The following SHISA6 variants were observed in gnomAD, a reference collection of about 807,000 sequenced individuals.
The protein encoded by SHISA6 is protein shisa-6.
In SHISA6, 22 loss-of-function variants were observed where a neutral mutation model predicts 47.9. That is an observed-to-expected ratio of 0.46 (90% CI 0.33 to 0.66). The LOEUF (loss-of-function observed/expected upper bound fraction) is 0.66. SHISA6 is among the 30% of genes least tolerant of loss of function. The pLI is 0.02. For missense variants in SHISA6, 680 were observed against 764.6 expected, an observed-to-expected ratio of 0.89 and a Z score of 1.30; for synonymous variants, 388 against 337.8, an observed-to-expected ratio of 1.15 and a Z score of -1.63.
At chr17:11,277,318 A>ACACACACAC (rs1389004430) in intron 2 of SHISA6, among the ~76,000 whole-genome samples, 2 of 128,086 alleles carry the variant, frequency 1.6e-5, no homozygotes, top group East Asian at 4.6e-4. Flanking sequence ...ACACACACAC[A>ACACACACAC]CCCCGCATGT....
chr17:11,491,056 C>T (rs569324104), intron 3 of SHISA6, among the ~76,000 whole-genome samples: 16 of 152,256 alleles, frequency 1.1e-4, no homozygotes, highest in African/African-American at 3.8e-4. Flanking sequence ...CCTTTGGAGC[C>T]CCTTCAGCCC....
intron 2 of SHISA6, among the ~76,000 whole-genome samples, chr17:11,360,803 A>AG (rs1056776518): frequency 4.6e-5 from 7 of 151,574 alleles, no homozygotes; most frequent in African/African-American, 1.7e-4. Context: ...AAAATTAAAA[A>AG]AAAAAAAAAA....
At chr17:11,415,783 GGTTA>G (rs1914264214) in intron 3 of SHISA6, among the ~76,000 whole-genome samples, 2 of 152,068 alleles carry the variant, frequency 1.3e-5, no homozygotes, top group Non-Finnish European at 1.5e-5. Flanking sequence ...TTATCTAACA[GGTTA>G]GTGTTTTCCA....
chr17:11,299,111 T>C (rs1430657304), intron 2 of SHISA6, among the ~76,000 whole-genome samples: 5 of 152,236 alleles, frequency 3.3e-5, no homozygotes, highest in African/African-American at 1.2e-4. Flanking sequence ...ATAAAAGAGC[T>C]ACTCTTCAGT....
In SHISA6 at chr17:11,519,038, C is replaced by T. The variant is rs1199743056; in HGVS notation, c.896-32858C>T. Among the ~76,000 whole-genome samples, 3 of 152,200 alleles carry T rather than the reference C, an allele frequency of 2.0e-5. No individual in the cohort carries two copies. The East Asian group carries it at 5.8e-4, about 29-fold the overall frequency. ...AGGAAGTGTGTTTCCCCAACTCCCA[C>T]TTCCTCACGTGTTATTGGAAAGCTT... On this transcript the variant is annotated intron_variant, in intron 3 of 5. Transcript: ENST00000441885.
intron 1 of SHISA6, 91 bp from the exon 2 acceptor site, chr17:11,263,275 A>C: frequency 2.3e-6 from 3 of 1,329,204 alleles, no homozygotes; most frequent in Non-Finnish European, 3.1e-6. Flanking sequence ...CATCTCTGTA[A>C]ATCAAAGGGC....
In SHISA6 at chr17:11,559,116, T is replaced by C. The variant is rs2072014564; in HGVS notation, c.*812T>C. On this transcript the variant is annotated 3_prime_UTR_variant, in exon 6 of 6. Coordinates refer to ENST00000441885, the MANE Select transcript of SHISA6 (RefSeq NM_207386.4). The surrounding 1 kb of genome is among the most constrained non-coding windows in gnomAD (Gnocchi z 4.4). ...CCCTGAGGATTTCACCCTTGAGTTT[T>C]CTGGGGTTTTGGCTGTAGCCTTCGC... 6.5e-6 allele frequency: 1 copy of C among 153,292 alleles called. No individual in the cohort carries two copies. Among genetic ancestry groups the C allele is most frequent in the Non-Finnish European group, 1.5e-5 (1 of 68,810 alleles). 9.5% of individuals were successfully genotyped at this position (153,292 alleles called of 1,614,324 possible).
At chr17:11,499,111 C>A (rs1478492655) in intron 3 of SHISA6, among the ~76,000 whole-genome samples, 1 of 152,102 alleles carries the variant, frequency 6.6e-6, no homozygotes, top group Non-Finnish European at 1.5e-5. Flanking sequence ...GAGCACCCAG[C>A]CCACTGAAGC....
At chr17:11,511,784 G>A (rs983402011) in intron 3 of SHISA6, among the ~76,000 whole-genome samples, 3 of 152,206 alleles carry the variant, frequency 2.0e-5, no homozygotes, top group Non-Finnish European at 4.4e-5. Context: ...CTATGCAGCT[G>A]GTGAAGGAGA....
chr17:11,411,804 G>T (rs549343545), intron 3 of SHISA6, among the ~76,000 whole-genome samples: 2 of 152,302 alleles, frequency 1.3e-5, no homozygotes, highest in East Asian at 1.9e-4. Context: ...TTGCTGATGT[G>T]ACCTTGCAGG....
chr17:11,267,454 T>C (rs1908468320), intron 2 of SHISA6, among the ~76,000 whole-genome samples: 1 of 152,154 alleles, frequency 6.6e-6, no homozygotes. Context: ...TTGTCACACA[T>C]TGGAGTTGTG....
At chr17:11,542,570 G>A (rs2071843197) in intron 3 of SHISA6, among the ~76,000 whole-genome samples, 1 of 152,098 alleles carries the variant, frequency 6.6e-6, no homozygotes, top group African/African-American at 2.4e-5. Flanking sequence ...TTAGAATATT[G>A]GTGGGGATGA....
intron 3 of SHISA6, among the ~76,000 whole-genome samples, chr17:11,535,769 A>G (rs1422134224): frequency 2.0e-5 from 3 of 152,218 alleles, no homozygotes; most frequent in Non-Finnish European, 4.4e-5. Context: ...GGGCAACTCA[A>G]TGTCATCTAT....
At position 11,561,896 on chromosome 17, in the gene SHISA6, A is replaced by G. The variant is rs2072047331; in HGVS notation, c.*3592A>G. On this transcript the variant is annotated 3_prime_UTR_variant, in exon 6 of 6. Transcript: ENST00000441885. ...TGTGAGTTGATACCCCAGTGCACGG[A>G]GCCAAGGGCTTTTCCCCTCTGAGCT... 6.6e-6 allele frequency: 1 copy of G among 152,194 alleles called. No individual in the cohort carries two copies. The allele number at this position is 152,194 out of a possible 1,614,324, so 9.4% of individuals were successfully genotyped here. A position where few individuals can be genotyped will look rare whatever the true frequency, so the allele number is the denominator to read the frequency against.
intron 3 of SHISA6, among the ~76,000 whole-genome samples, chr17:11,517,827 C>T (rs751755214): frequency 5.3e-5 from 8 of 151,980 alleles, no homozygotes; most frequent in South Asian, 2.1e-4. Context: ...TTTCCTGTCA[C>T]ACCTGCACAG....
At chr17:11,350,204 G>T (rs1246429726) in intron 2 of SHISA6, among the ~76,000 whole-genome samples, 1 of 100,538 alleles carries the variant, frequency 9.9e-6, no homozygotes, top group African/African-American at 4.2e-5. Context: ...TTTTGAGACG[G>T]AGTCTCGCTC....
chr17:11,338,339 A>G (rs1329048535), intron 2 of SHISA6, among the ~76,000 whole-genome samples: 4 of 152,168 alleles, frequency 2.6e-5, no homozygotes, highest in African/African-American at 9.7e-5. Flanking sequence ...TAGAATTTGT[A>G]TCCTAGAGCC....
intron 2 of SHISA6, among the ~76,000 whole-genome samples, chr17:11,312,144 A>C (rs1910361264): frequency 6.6e-6 from 1 of 152,150 alleles, no homozygotes; most frequent in South Asian, 2.1e-4. Flanking sequence ...TGGTCACTGA[A>C]CTAAGTTTAG....
intron 3 of SHISA6, among the ~76,000 whole-genome samples, chr17:11,421,503 G>C (rs1163110472): frequency 6.6e-6 from 1 of 152,100 alleles, no homozygotes; most frequent in African/African-American, 2.4e-5. Flanking sequence ...CACTGCCTAG[G>C]TCTTGTACTC....
Sources: allele counts gnomAD v4.1 joint callset (sites outside exome capture counted in the v4.1 genomes callset), GRCh38; gene constraint gnomAD v4.1.1; non-coding constraint Gnocchi (gnomAD v3.1); transcripts MANE v1.5; gene names NCBI Gene and HGNC (gene_info 2026-07-23, HGNC 2026-07-21).